The following ZFAND3 variants were observed in gnomAD, a reference collection of about 807,000 sequenced individuals.
The protein encoded by ZFAND3 is zinc finger AN1-type containing 3, also known as AN1-type zinc finger protein 3.
ZFAND3 carries 10 observed loss-of-function variants against 29.6 expected under a neutral mutation model. The ratio of observed to expected loss-of-function variants is 0.34; its 90% CI spans 0.21 to 0.57. The LOEUF is 0.57. ZFAND3 is among the 20% of genes least tolerant of loss of function. The pLI is 0.86. For missense variants in ZFAND3, 230 were observed against 304.5 expected (o/e 0.76, Z 1.82); for synonymous variants, 128 against 112.6 (o/e 1.14, Z -0.87).
intron 1 of ZFAND3, among the ~76,000 whole-genome samples, chr6:37,836,494 T>C (rs1464689713): frequency 2.0e-5 from 3 of 152,232 alleles, no homozygotes; most frequent in Non-Finnish European, 4.4e-5. Context: ...AGGTTCATGC[T>C]GCAAAGAATG....
chr6:38,085,569 G>A (rs1764741601), intron 4 of ZFAND3, among the ~76,000 whole-genome samples: 1 of 152,076 alleles, frequency 6.6e-6, no homozygotes, highest in Admixed American at 6.5e-5. Flanking sequence ...TTTATTATAT[G>A]TGTGTGTGTT....
At chr6:37,966,963 A>G (rs1038052825) in intron 2 of ZFAND3, among the ~76,000 whole-genome samples, 1 of 152,160 alleles carries the variant, frequency 6.6e-6, no homozygotes, top group Admixed American at 6.5e-5. Flanking sequence ...GATGCAAGCT[A>G]TGTACCTTTG....
intron 3 of ZFAND3, among the ~76,000 whole-genome samples, chr6:38,077,943 A>G (rs896608162): frequency 2.0e-5 from 3 of 152,198 alleles, no homozygotes; most frequent in Admixed American, 6.5e-5. Flanking sequence ...CAGTAACTCT[A>G]TAGGAGACTG....
At chr6:38,009,093 G>A (rs1263646360) in intron 2 of ZFAND3, among the ~76,000 whole-genome samples, 3 of 152,198 alleles carry the variant, frequency 2.0e-5, no homozygotes, top group Non-Finnish European at 4.4e-5. Context: ...GAGGAAAACC[G>A]AATGGAAGAC....
At chr6:38,015,131 T>A (rs773735213) in intron 2 of ZFAND3, among the ~76,000 whole-genome samples, 5 of 152,196 alleles carry the variant, frequency 3.3e-5, no homozygotes, top group Non-Finnish European at 7.4e-5. Flanking sequence ...TATTTACCTT[T>A]AGGGAAATCT....
chr6:37,911,458 A>G (rs1014939220), intron 1 of ZFAND3, among the ~76,000 whole-genome samples: 1 of 152,182 alleles, frequency 6.6e-6, no homozygotes, highest in Non-Finnish European at 1.5e-5. Context: ...GGTCATCAGA[A>G]GTACGGTTTG....
chr6:38,144,219 A>ATTTTT (rs1562016159), intron 5 of ZFAND3, among the ~76,000 whole-genome samples: 4 of 27,978 alleles, frequency 1.4e-4, no homozygotes, highest in South Asian at 7.2e-4. Flanking sequence ...ATAATATATA[A>ATTTTT]TATATATATA....
intron 1 of ZFAND3, among the ~76,000 whole-genome samples, chr6:37,912,323 G>A (rs1765538638): frequency 6.6e-6 from 1 of 152,032 alleles, no homozygotes; most frequent in Non-Finnish European, 1.5e-5. Flanking sequence ...TTGTGAAATG[G>A]CATCAAATTG....
intron 1 of ZFAND3, among the ~76,000 whole-genome samples, chr6:37,833,353 T>G (rs1763900063): frequency 6.6e-6 from 1 of 152,172 alleles, no homozygotes; most frequent in Non-Finnish European, 1.5e-5. Flanking sequence ...AGAATCCCTC[T>G]TCCTGTCCTC....
intron 1 of ZFAND3, among the ~76,000 whole-genome samples, chr6:37,902,557 G>A (rs938756044): frequency 3.3e-5 from 5 of 151,944 alleles, no homozygotes; most frequent in African/African-American, 1.2e-4. Context: ...AAAAGAAAAT[G>A]TTGTTCATAT....
At chr6:38,128,696 T>C (rs1392010722) in intron 5 of ZFAND3, among the ~76,000 whole-genome samples, 5 of 152,242 alleles carry the variant, frequency 3.3e-5, no homozygotes, top group African/African-American at 7.2e-5. Context: ...TACTCCATCA[T>C]GTATATATGT....
chr6:37,975,508 T>TG lies in ZFAND3; in HGVS notation c.112+45509_112+45510insG, dbSNP rs1257377966. Among the ~76,000 whole-genome samples, 4 of 152,290 alleles carry TG rather than the reference T, an allele frequency of 2.6e-5. No homozygotes were observed. The East Asian group carries it at 7.7e-4, about 29-fold the overall frequency. On this transcript the variant is annotated intron_variant, in intron 2 of 5. Coordinates refer to ENST00000287218, the MANE Select transcript of ZFAND3 (RefSeq NM_021943.3). ...CATTTGTTCTTTATGCTTTTAAATA[T>TG]TTTTTCTGCATTTTCTTCAGGAAGT...
At chr6:38,081,553 G>C (rs1764661800) in intron 3 of ZFAND3, among the ~76,000 whole-genome samples, 3 of 151,962 alleles carry the variant, frequency 2.0e-5, no homozygotes, top group East Asian at 1.9e-4. Context: ...AGTCACCTGG[G>C]GACCCTTTTT....
intron 1 of ZFAND3, among the ~76,000 whole-genome samples, chr6:37,923,756 G>A (rs1761428930): frequency 6.6e-6 from 1 of 152,114 alleles, no homozygotes; most frequent in South Asian, 2.1e-4. Flanking sequence ...ATAATCTTAT[G>A]GGACTTCTGT....
intron 1 of ZFAND3, among the ~76,000 whole-genome samples, chr6:37,828,929 C>T (rs1763809129): frequency 6.6e-6 from 1 of 152,142 alleles, no homozygotes; most frequent in African/African-American, 2.4e-5. Context: ...GGATTACAGG[C>T]ATGAGCCACT....
intron 2 of ZFAND3, among the ~76,000 whole-genome samples, chr6:37,968,558 G>A (rs949090827): frequency 2.6e-5 from 4 of 152,038 alleles, no homozygotes; most frequent in Admixed American, 2.6e-4. Flanking sequence ...CAGTTACTAC[G>A]AGAGAGGCTT....
intron 2 of ZFAND3, among the ~76,000 whole-genome samples, chr6:37,975,691 G>A (rs1458180403): frequency 1.3e-5 from 2 of 152,112 alleles, no homozygotes; most frequent in African/African-American, 2.4e-5. Flanking sequence ...TCAAAAGTCA[G>A]TTGTCCATAT....
chr6:37,848,679 GGA>G (rs1764225047), intron 1 of ZFAND3, among the ~76,000 whole-genome samples: 4 of 152,306 alleles, frequency 2.6e-5, no homozygotes, highest in African/African-American at 9.6e-5. Context: ...CTTACAAACT[GGA>G]GAGAGAGCTG....
At chr6:38,019,086 A>G (rs111568992) in intron 2 of ZFAND3, among the ~76,000 whole-genome samples, 10,375 of 152,034 alleles carry the variant, frequency 0.068, 426 homozygotes, top group Non-Finnish European at 0.087. Context: ...CAGCCTCCCA[A>G]GTAGCTGAGA....
Sources: allele counts gnomAD v4.1 joint callset (sites outside exome capture counted in the v4.1 genomes callset), GRCh38; gene constraint gnomAD v4.1.1; transcripts MANE v1.5; gene names NCBI Gene and HGNC (gene_info 2026-07-23, HGNC 2026-07-21).